ALG8: variants seen among roughly 807,000 people sequenced by gnomAD.
The protein encoded by ALG8 is dolichyl pyrophosphate Glc1Man9GlcNAc2 alpha-1,3-glucosyltransferase.
ALG8 carries 48 observed loss-of-function variants against 70.2 expected under a neutral mutation model. That is an observed-to-expected ratio of 0.68 (90% CI 0.54 to 0.87). The LOEUF is 0.87. Ranked by LOEUF, ALG8 falls within the 40% of genes least tolerant of loss-of-function variation. The pLI is 0.00. For missense variants in ALG8, 572 were observed against 608.7 expected (o/e 0.94, Z 0.64); for synonymous variants, 234 against 229.0 (o/e 1.02, Z -0.20).
intron 12 of ALG8, among the ~76,000 whole-genome samples, chr11:78,103,166 A>G (rs1037109913): frequency 6.6e-6 from 1 of 152,026 alleles, no homozygotes; most frequent in African/African-American, 2.4e-5. Context: ...TCTCTAATAA[A>G]AATACAAAAT....
intron 9 of ALG8, among the ~76,000 whole-genome samples, chr11:78,107,566 T>G (rs1028102490): frequency 6.7e-6 from 1 of 149,630 alleles, no homozygotes; most frequent in Admixed American, 6.6e-5. Context: ...TGGCTGGGCA[T>G]GGTGGCTCAT....
chr11:78,122,956 G>A (rs1249505181), intron 3 of ALG8, among the ~76,000 whole-genome samples: 1 of 152,100 alleles, frequency 6.6e-6, no homozygotes, highest in Non-Finnish European at 1.5e-5. Context: ...TATGACAAGG[G>A]TCACTGAATG....
Position 78,130,333 on chromosome 11 carries a change from A to G in ALG8, c.96-2897T>C, listed in dbSNP as rs559735452. 2.6e-3 allele frequency among the ~76,000 whole-genome samples: 271 copies of G among 106,262 alleles called. 1 individual carries two copies. The highest frequency in any genetic ancestry group is 8.5e-3 in the African/African-American group (256 of 30,028). The allele number at this position is 106,262 out of a possible 152,430, so 69.7% of individuals were successfully genotyped here. On this transcript the variant is annotated intron_variant, in intron 1 of 12. Transcript: ENST00000299626. ...CACTGCACTCCAGCATGGGAGACAG[A>G]GCAAGACCCGGTCTCAAAAAAAAAA...
chr11:78,104,067 G>GA lies in ALG8; in HGVS notation c.1277-16dup, dbSNP rs757733381. ...AATGGGAAGTTCTGTTAAAAGAATA[G>GA]AAAAAAAAAGATAATTTAGCTGATG... On this transcript the variant is annotated splice_polypyrimidine_tract_variant and intron_variant, in intron 11 of 12. Transcript: ENST00000299626. The GA allele has an allele frequency of 6.9e-4, 960 of 1,394,862 alleles. No individual in the cohort carries two copies. Among genetic ancestry groups the GA allele is most frequent in the Middle Eastern group, 1.1e-3 (6 of 5,542 alleles). 86.4% of individuals were successfully genotyped at this position (1,394,862 alleles called of 1,614,324 possible).
chr11:78,114,237 A>G, intron 6 of ALG8, 29 bp downstream of exon 6: 1 of 1,613,670 alleles, frequency 6.2e-7, no homozygotes, highest in Non-Finnish European at 8.5e-7. Context: ...AAAATCGAAA[A>G]TGTTTTTGCT....
chr11:78,119,883 C>T (rs1199257409), intron 4 of ALG8, among the ~76,000 whole-genome samples: 2 of 152,094 alleles, frequency 1.3e-5, no homozygotes, highest in African/African-American at 4.8e-5. Context: ...GGGCAGATCA[C>T]TTGGGACCAG....
chr11:78,106,157 G>A (rs647116), intron 10 of ALG8, among the ~76,000 whole-genome samples: 33,496 of 151,970 alleles, frequency 0.22, 4,530 homozygotes, highest in African/African-American at 0.38. Context: ...AGGAACCATG[G>A]GACCTTATTT....
chr11:78,104,140 C>A, intron 11 of ALG8, 88 bp from the exon 12 acceptor site: 1 of 920,126 alleles, frequency 1.1e-6, no homozygotes, highest in Non-Finnish European at 1.7e-6. Flanking sequence ...ACTGACACAG[C>A]TATATAGTGC....
rs137917093 is a variant in ALG8, at chr11:78,127,041, G to A, written c.174+317C>T. On this transcript the variant is annotated intron_variant, in intron 2 of 12. Coordinates refer to ENST00000299626, the MANE Select transcript of ALG8 (RefSeq NM_024079.5). The stretch of plus-strand genomic sequence containing the variant: ...GTCACCCAGGCTGGAGTGCAGTGGC[G>A]CGATCTCGGCTCACTGCAACCTCCG... 2.9e-3 allele frequency among the ~76,000 whole-genome samples: 445 copies of A among 151,614 alleles called. 3 individuals carry two copies. Among genetic ancestry groups the A allele is most frequent in the African/African-American group, 0.01 (432 of 41,334 alleles).
At position 78,127,295 on chromosome 11, in the gene ALG8, C is replaced by T. The variant is rs138764515; in HGVS notation, c.174+63G>A. ...CCCAGCCAGAAAACATTTTTAATAT[C>T]AGTAATATTTACCTAGTTTATAGAT... is the stretch of plus-strand genomic sequence containing the variant. On this transcript the variant is annotated intron_variant, in intron 2 of 12. Coordinates refer to ENST00000299626, the MANE Select transcript of ALG8 (RefSeq NM_024079.5). 4.2e-6 allele frequency: 6 copies of T among 1,418,070 alleles called. No individual in the cohort carries two copies. In the East Asian group the frequency reaches 9.7e-5, roughly 23 times the overall value. The allele number at this position is 1,418,070 out of a possible 1,614,324, so 87.8% of individuals were successfully genotyped here.
intron 9 of ALG8, among the ~76,000 whole-genome samples, chr11:78,108,054 C>T (rs1478711137): frequency 1.3e-5 from 2 of 151,212 alleles, no homozygotes; most frequent in African/African-American, 2.4e-5. Flanking sequence ...CCGAGGTGGG[C>T]GGATCACGAG....
chr11:78,107,284 G>A lies in ALG8; in HGVS notation c.1039-338C>T, dbSNP rs576640393. ...TGCCAAGGCTGGAGTGCAGTGGTGC[G>A]ATCTCGGCTCACTGCAACCTCCACC... On this transcript the variant is annotated intron_variant, in intron 9 of 12. Coordinates refer to ENST00000299626, the MANE Select transcript of ALG8 (RefSeq NM_024079.5). Among the ~76,000 whole-genome samples, 13 of 148,454 alleles carry A rather than the reference G, an allele frequency of 8.8e-5. No homozygotes were observed. The South Asian group carries it at 1.9e-3, about 22-fold the overall frequency.
intron 2 of ALG8, among the ~76,000 whole-genome samples, chr11:78,126,878 G>A (rs1255800524): frequency 6.6e-6 from 1 of 152,138 alleles, no homozygotes; most frequent in Non-Finnish European, 1.5e-5. Flanking sequence ...TTATAGACTG[G>A]GAAACTCATT....
intron 2 of ALG8, among the ~76,000 whole-genome samples, chr11:78,125,960 C>A (rs1861052406): frequency 6.6e-6 from 1 of 151,058 alleles, no homozygotes; most frequent in Non-Finnish European, 1.5e-5. Flanking sequence ...GAGATCGAGA[C>A]CATCCTGGCT....
intron 1 of ALG8, chr11:78,137,142 G>A (rs1861591035): frequency 6.6e-6 from 1 of 151,542 alleles, no homozygotes; most frequent in Non-Finnish European, 1.5e-5. Flanking sequence ...GCCTACCGAA[G>A]TGCTGGGATC....
chr11:78,116,575 C>T lies in ALG8; in HGVS notation c.547-2183G>A, dbSNP rs566278016. Among the ~76,000 whole-genome samples the T allele has an allele frequency of 8.6e-5, 13 of 152,004 alleles. No individual in the cohort carries two copies. In the East Asian group the frequency reaches 1.7e-3, roughly 20 times the overall value. Reference sequence around the variant, plus strand: ...TCTAGTAAAAATACAAAAAATTAGCCGGGAGTGGTGGTGTGCACCTGTGGT... The same window carrying T: ...TCTAGTAAAAATACAAAAAATTAGCTGGGAGTGGTGGTGTGCACCTGTGGT... On this transcript the variant is annotated intron_variant, in intron 5 of 12. Coordinates refer to ENST00000299626, the MANE Select transcript of ALG8 (RefSeq NM_024079.5).
At chr11:78,106,005 G>A (rs1428628858) in intron 10 of ALG8, among the ~76,000 whole-genome samples, 3 of 152,122 alleles carry the variant, frequency 2.0e-5, no homozygotes, top group Admixed American at 6.6e-5. Context: ...ACCATGCCTG[G>A]CCAATTATCT....
chr11:78,132,928 C>T (rs980187599), intron 1 of ALG8, among the ~76,000 whole-genome samples: 1 of 150,860 alleles, frequency 6.6e-6, no homozygotes. Flanking sequence ...GCTCCGCCTT[C>T]CGGGTTCATG....
chr11:78,106,352 T>C (rs553600033), intron 10 of ALG8, among the ~76,000 whole-genome samples: 16 of 152,136 alleles, frequency 1.1e-4, no homozygotes, highest in Admixed American at 7.9e-4. Context: ...CATGTGCCAC[T>C]ATGCCCAGCT....
Sources: allele counts gnomAD v4.1 joint callset (sites outside exome capture counted in the v4.1 genomes callset), GRCh38; gene constraint gnomAD v4.1.1; transcripts MANE v1.5; gene names NCBI Gene and HGNC (gene_info 2026-07-23, HGNC 2026-07-21).